CRY1: variants seen among roughly 807,000 people sequenced by gnomAD.
The protein encoded by CRY1 is cryptochrome-1.
Under a neutral mutation model 76.0 loss-of-function variants are expected in CRY1, and 45 were observed. That is an observed-to-expected ratio of 0.59 (90% CI 0.47 to 0.76). The LOEUF is 0.76. CRY1 is among the 30% of genes least tolerant of loss of function. The pLI is 0.00. For synonymous variants in CRY1, 248 were observed against 244.0 expected (o/e 1.02, Z -0.15); for missense variants, 587 against 716.4 (o/e 0.82, Z 2.06).
intron 2 of CRY1, among the ~76,000 whole-genome samples, chr12:107,014,588 TACTA>T (rs55998501): frequency 0.5 from 76,328 of 151,578 alleles, 20,102 homozygotes; most frequent in East Asian, 0.72. Flanking sequence ...GTTTTCTTTC[TACTA>T]ACTATTAGTT....
At chr12:107,071,809 A>G (rs899097032) in intron 1 of CRY1, among the ~76,000 whole-genome samples, 1 of 152,222 alleles carries the variant, frequency 6.6e-6, no homozygotes, top group African/African-American at 2.4e-5. Flanking sequence ...TACATGTGAG[A>G]ATGGAAGACT....
intron 2 of CRY1, among the ~76,000 whole-genome samples, 199 bp from the exon 3 acceptor site, chr12:107,005,447 A>G (rs1952362461): frequency 6.6e-6 from 1 of 152,246 alleles, no homozygotes; most frequent in Non-Finnish European, 1.5e-5. Flanking sequence ...GATTCTAGGC[A>G]TTATGCTAGG....
At position 107,092,972 on chromosome 12, in the gene CRY1, G is replaced by A. The variant is rs771874578; in HGVS notation, c.-11C>T. ...GGCGTTCACCCCCATGCCGGGGGGC[G>A]CGGCGGGTCCTCCACGGAGAAATTC... On this transcript the variant is annotated 5_prime_UTR_variant, in exon 1 of 13. Coordinates refer to ENST00000008527, the MANE Select transcript of CRY1 (RefSeq NM_004075.5). 1.8e-5 allele frequency: 28 copies of A among 1,528,070 alleles called. No homozygotes were observed. Among genetic ancestry groups the A allele is most frequent in the Middle Eastern group, 2.5e-4 (1 of 4,038 alleles). The allele number at this position is 1,528,070 out of a possible 1,614,324, so 94.7% of individuals were successfully genotyped here.
At chr12:107,070,524 A>G (rs1277084302) in intron 1 of CRY1, among the ~76,000 whole-genome samples, 2 of 152,080 alleles carry the variant, frequency 1.3e-5, no homozygotes, top group Non-Finnish European at 2.9e-5. Context: ...GAGAAGGGAA[A>G]TTCAAATAGG....
chr12:107,065,103 C>T (rs1207941604), intron 1 of CRY1, among the ~76,000 whole-genome samples: 1 of 152,088 alleles, frequency 6.6e-6, no homozygotes, highest in Non-Finnish European at 1.5e-5. Context: ...CAAGACCAGC[C>T]TAACTAAAAT....
chr12:107,027,554 C>T lies in CRY1; in HGVS notation c.159-5362G>A, dbSNP rs184991225. Among the ~76,000 whole-genome samples the T allele has an allele frequency of 2.0e-4, 31 of 152,204 alleles. No individual in the cohort carries two copies. In the East Asian group the frequency reaches 5.8e-3, roughly 28 times the overall value. ...TTATTTAATTACAATACTGAACACA[C>T]CACTTTAAATTGAAGAGGCATTAGG... On this transcript the variant is annotated intron_variant, in intron 1 of 12. Transcript: ENST00000008527.
chr12:107,066,090 A>G (rs1486745159), intron 1 of CRY1, among the ~76,000 whole-genome samples: 1 of 152,244 alleles, frequency 6.6e-6, no homozygotes, highest in Non-Finnish European at 1.5e-5. Flanking sequence ...TACTAGGAAT[A>G]AAGTGAATAT....
chr12:107,029,454 C>T (rs1952652734), intron 1 of CRY1, among the ~76,000 whole-genome samples: 1 of 151,856 alleles, frequency 6.6e-6, no homozygotes, highest in African/African-American at 2.4e-5. Context: ...ACTAGCTGGG[C>T]GTGGTGGCGT....
rs192515306 is a variant in CRY1, at chr12:107,053,691, T to C, written c.159-31499A>G. Among the ~76,000 whole-genome samples, 23 of 152,280 alleles carry C rather than the reference T, an allele frequency of 1.5e-4. 1 individual carries two copies. In the East Asian group the frequency reaches 4.4e-3, roughly 29 times the overall value. On this transcript the variant is annotated intron_variant, in intron 1 of 12. Coordinates refer to ENST00000008527, the MANE Select transcript of CRY1 (RefSeq NM_004075.5). ...TGAAAAAGTAACAGCTGAAAAACTT[T>C]CAAAGCTGATGAAAGATAGCAACAG...
intron 1 of CRY1, among the ~76,000 whole-genome samples, chr12:107,059,057 T>C (rs1239818622): frequency 6.6e-6 from 1 of 152,196 alleles, no homozygotes; most frequent in Non-Finnish European, 1.5e-5. Context: ...CAGTCCCTCA[T>C]ATTAATAGTA....
chr12:107,033,438 CCAGA>C (rs1246291051), intron 1 of CRY1, among the ~76,000 whole-genome samples: 1 of 152,250 alleles, frequency 6.6e-6, no homozygotes, highest in African/African-American at 2.4e-5. Flanking sequence ...GACACCAAAA[CCAGA>C]CAAAGACAGT....
intron 1 of CRY1, among the ~76,000 whole-genome samples, chr12:107,059,438 A>T (rs977746178): frequency 2.0e-5 from 3 of 151,988 alleles, no homozygotes; most frequent in African/African-American, 7.3e-5. Flanking sequence ...TTTTTAGTAG[A>T]GATGAAGTCT....
At chr12:107,010,341 A>T (rs1952429824) in intron 2 of CRY1, among the ~76,000 whole-genome samples, 1 of 152,182 alleles carries the variant, frequency 6.6e-6, no homozygotes, top group Admixed American at 6.5e-5. Flanking sequence ...GGCTTTGTTG[A>T]CTAACAGGAG....
intron 1 of CRY1, among the ~76,000 whole-genome samples, chr12:107,091,456 G>A (rs1442152309): frequency 6.6e-6 from 1 of 152,072 alleles, no homozygotes; most frequent in Non-Finnish European, 1.5e-5. Context: ...GATTCAAGCC[G>A]TTATCATCTC....
At chr12:107,009,058 A>T (rs1168213592) in intron 2 of CRY1, among the ~76,000 whole-genome samples, 1 of 152,226 alleles carries the variant, frequency 6.6e-6, no homozygotes, top group Non-Finnish European at 1.5e-5. Context: ...ATTTCTAGTT[A>T]GCTAAAAGAC....
At chr12:107,017,615 C>G (rs766149335) in intron 2 of CRY1, among the ~76,000 whole-genome samples, 8 of 152,132 alleles carry the variant, frequency 5.3e-5, no homozygotes, top group Non-Finnish European at 1.2e-4. Flanking sequence ...AAGGAGCATC[C>G]TAAGAGGGGA....
chr12:107,061,183 TA>T (rs1953042169), intron 1 of CRY1, among the ~76,000 whole-genome samples: 1 of 152,130 alleles, frequency 6.6e-6, no homozygotes, highest in Admixed American at 6.5e-5. Flanking sequence ...AAATGTTTAA[TA>T]AAATGTAAAC....
At chr12:107,034,255 A>G (rs1159693366) in intron 1 of CRY1, among the ~76,000 whole-genome samples, 2 of 152,138 alleles carry the variant, frequency 1.3e-5, no homozygotes, top group African/African-American at 4.8e-5. Context: ...ATGCCATGAC[A>G]GTTTACAAAT....
chr12:107,090,677 T>C (rs535114364), intron 1 of CRY1, among the ~76,000 whole-genome samples: 18 of 152,304 alleles, frequency 1.2e-4, no homozygotes, highest in Admixed American at 5.9e-4. Flanking sequence ...ATATAGTAGG[T>C]GCTTGACAAA....
Sources: allele counts gnomAD v4.1 joint callset (sites outside exome capture counted in the v4.1 genomes callset), GRCh38; gene constraint gnomAD v4.1.1; transcripts MANE v1.5; gene names NCBI Gene and HGNC (gene_info 2026-07-23, HGNC 2026-07-21).